IGF2BP2: variants seen among roughly 807,000 people sequenced by gnomAD.
IGF2BP2 encodes insulin-like growth factor 2 mRNA-binding protein 2.
In IGF2BP2, 17 loss-of-function variants were observed where a neutral mutation model predicts 75.8. That is an observed-to-expected ratio of 0.22 (90% CI 0.15 to 0.34). IGF2BP2 has a LOEUF of 0.34. Ranked by LOEUF, IGF2BP2 falls within the 10% of genes least tolerant of loss-of-function variation. The probability of loss-of-function intolerance (pLI) is 1.00; values close to 1 mark genes in which losing one functional copy is unlikely to be tolerated. For synonymous variants in IGF2BP2, 288 were observed against 295.6 expected (o/e 0.97, Z 0.26); for missense variants, 516 against 772.4 (o/e 0.67, Z 3.93).
At position 185,804,594 on chromosome 3, in the gene IGF2BP2, A is replaced by C. The variant is rs570077062; in HGVS notation, c.239+18559T>G. Among the ~76,000 whole-genome samples, 20 of 152,328 alleles carry C rather than the reference A, an allele frequency of 1.3e-4. No homozygotes were observed. The East Asian group carries it at 2.1e-3, about 16-fold the overall frequency. On this transcript the variant is annotated intron_variant, in intron 2 of 15. Coordinates refer to ENST00000382199, the MANE Select transcript of IGF2BP2 (RefSeq NM_006548.6). ...AGGTTACAATATTTAATTGAAAACA[A>C]TATAAATTTTTTAAAATCTGCCCAT... is the stretch of plus-strand genomic sequence containing the variant.
At chr3:185,667,385 A>C (rs1717810445) in intron 10 of IGF2BP2, among the ~76,000 whole-genome samples, 1 of 152,130 alleles carries the variant, frequency 6.6e-6, no homozygotes, top group Admixed American at 6.5e-5. Context: ...CTGAGGTGGG[A>C]GGATTGCTTG....
chr3:185,696,198 T>C (rs1344079148), intron 4 of IGF2BP2, among the ~76,000 whole-genome samples: 1 of 152,180 alleles, frequency 6.6e-6, no homozygotes, highest in East Asian at 1.9e-4. Flanking sequence ...CAAGGGATTA[T>C]TGGTATAGGA....
intron 2 of IGF2BP2, among the ~76,000 whole-genome samples, chr3:185,791,139 C>T (rs1420551131): frequency 6.6e-6 from 1 of 152,224 alleles, no homozygotes; most frequent in Non-Finnish European, 1.5e-5. Flanking sequence ...AAAGGGTAGG[C>T]ACTGGAACTG....
chr3:185,668,487 C>CAA (rs1437533121), intron 10 of IGF2BP2, among the ~76,000 whole-genome samples: 1 of 124,820 alleles, frequency 8.0e-6, no homozygotes, highest in Admixed American at 8.4e-5. Context: ...TTCATTTGTT[C>CAA]GAGAGAGAGA....
At chr3:185,671,835 G>C (rs1427028009) in intron 10 of IGF2BP2, among the ~76,000 whole-genome samples, 1 of 152,128 alleles carries the variant, frequency 6.6e-6, no homozygotes, top group African/African-American at 2.4e-5. Context: ...TTGGGGGAAA[G>C]TTTGCTTTTA....
In IGF2BP2 at chr3:185,719,177, T is replaced by C. The variant is rs180747054; in HGVS notation, c.240-20830A>G. Among the ~76,000 whole-genome samples the C allele has an allele frequency of 3.0e-4, 46 of 152,290 alleles. 2 individuals carry two copies. Among genetic ancestry groups the C allele is most frequent in the South Asian group, 1.7e-3 (8 of 4,830 alleles). On this transcript the variant is annotated intron_variant, in intron 2 of 15. Transcript: ENST00000382199. Reference sequence around the variant, plus strand: ...GCCTTATTTAATAAGGTGAAGAGTTTGCACTGATACAGTAGGCTATGGGAG... The same window carrying C: ...GCCTTATTTAATAAGGTGAAGAGTTCGCACTGATACAGTAGGCTATGGGAG...
intron 2 of IGF2BP2, among the ~76,000 whole-genome samples, chr3:185,754,551 G>A (rs550854595): frequency 3.9e-4 from 59 of 152,290 alleles, no homozygotes; most frequent in South Asian, 2.1e-3. Flanking sequence ...GGCAGAGGAT[G>A]GAAGAGTTTG....
intron 2 of IGF2BP2, chr3:185,716,934 A>G: frequency 9.4e-6 from 4 of 424,540 alleles, no homozygotes; most frequent in Non-Finnish European, 1.8e-5. Context: ...GCCCAGCCAG[A>G]CTCCGCCTTC....
intron 2 of IGF2BP2, among the ~76,000 whole-genome samples, chr3:185,802,950 C>T (rs1176167453): frequency 1.3e-5 from 2 of 152,232 alleles, no homozygotes; most frequent in Admixed American, 1.3e-4. Flanking sequence ...ATGTAGTTTG[C>T]TAGACTCAAT....
At chr3:185,694,182 A>T (rs1037616301) in intron 4 of IGF2BP2, among the ~76,000 whole-genome samples, 2 of 152,202 alleles carry the variant, frequency 1.3e-5, no homozygotes, top group African/African-American at 4.8e-5. Context: ...ATTCACACTT[A>T]ACCCACAGAA....
At chr3:185,656,479 T>C (rs563899469) in intron 12 of IGF2BP2, among the ~76,000 whole-genome samples, 1 of 152,326 alleles carries the variant, frequency 6.6e-6, no homozygotes, top group South Asian at 2.1e-4. Context: ...GGGGAGAAAG[T>C]GTAAGCATTC....
intron 2 of IGF2BP2, among the ~76,000 whole-genome samples, chr3:185,757,590 C>A (rs1426637673): frequency 1.3e-5 from 2 of 151,656 alleles, no homozygotes; most frequent in Non-Finnish European, 2.9e-5. Context: ...TTTATCCTCC[C>A]AAGTAGCTGG....
At chr3:185,685,887 T>C (rs1318253388) in intron 7 of IGF2BP2, among the ~76,000 whole-genome samples, 3 of 152,198 alleles carry the variant, frequency 2.0e-5, no homozygotes, top group African/African-American at 7.2e-5. Context: ...CCGGCGATCT[T>C]CCTACCTTGG....
At chr3:185,685,269 AC>A (rs1195025740) in intron 7 of IGF2BP2, among the ~76,000 whole-genome samples, 3 of 151,518 alleles carry the variant, frequency 2.0e-5, no homozygotes, top group African/African-American at 7.3e-5. Context: ...AATTGCTTGA[AC>A]CCGGGAGACG....
At chr3:185,648,458 TG>T (rs770091683) in intron 14 of IGF2BP2, among the ~76,000 whole-genome samples, 2 of 141,618 alleles carry the variant, frequency 1.4e-5, no homozygotes, top group Non-Finnish European at 3.0e-5. Flanking sequence ...AGCGAAACTC[TG>T]TCTCAAAAAA....
chr3:185,719,080 T>C (rs2149456584), intron 2 of IGF2BP2, among the ~76,000 whole-genome samples: 1 of 152,268 alleles, frequency 6.6e-6, no homozygotes, highest in South Asian at 2.1e-4. Context: ...AAACAGACTG[T>C]GTTTGGACAA....
intron 2 of IGF2BP2, among the ~76,000 whole-genome samples, chr3:185,803,528 C>T (rs1259172952): frequency 6.6e-6 from 1 of 152,096 alleles, no homozygotes; most frequent in Non-Finnish European, 1.5e-5. Flanking sequence ...TACTGTATTG[C>T]CATGATTTAA....
intron 2 of IGF2BP2, among the ~76,000 whole-genome samples, chr3:185,719,782 C>T (rs1017668374): frequency 4.6e-5 from 7 of 151,800 alleles, no homozygotes; most frequent in Admixed American, 3.9e-4. Context: ...TGCAGTGAGC[C>T]GAGATCACGC....
At chr3:185,779,463 A>G (rs1406532609) in intron 2 of IGF2BP2, among the ~76,000 whole-genome samples, 1 of 152,180 alleles carries the variant, frequency 6.6e-6, no homozygotes, top group Non-Finnish European at 1.5e-5. Context: ...TTCTGGCAAA[A>G]CATAGCTTCC....
Sources: allele counts gnomAD v4.1 joint callset (sites outside exome capture counted in the v4.1 genomes callset), GRCh38; gene constraint gnomAD v4.1.1; transcripts MANE v1.5; gene names NCBI Gene and HGNC (gene_info 2026-07-23, HGNC 2026-07-21).